Variants in NPFFR1 observed in about 807,000 individuals in gnomAD.
NPFFR1 encodes G-protein coupled receptor 147.
NPFFR1 carries 17 observed loss-of-function variants against 12.7 expected under a neutral mutation model. That is an observed-to-expected ratio of 1.34 (90% CI 0.92 to 2.01). NPFFR1 has a LOEUF of 2.01. Among genes scored for constraint, NPFFR1 ranks in the 30% most tolerant of loss-of-function variants. NPFFR1 has a pLI of 0.00. For missense variants in NPFFR1, 604 were observed against 606.5 expected (o/e 1.00, Z 0.04); for synonymous variants, 296 against 264.5 (o/e 1.12, Z -1.16).
At chr10:70,267,354 A>AT (rs1554833256) in intron 1 of NPFFR1, among the ~76,000 whole-genome samples, 1 of 152,072 alleles carries the variant, frequency 6.6e-6, no homozygotes, top group Non-Finnish European at 1.5e-5. Flanking sequence ...CACATCTATT[A>AT]TTTTATTTAG....
intron 2 of NPFFR1, among the ~76,000 whole-genome samples, chr10:70,262,478 G>A (rs1262528749): frequency 6.6e-6 from 1 of 152,126 alleles, no homozygotes; most frequent in African/African-American, 2.4e-5. Context: ...TGACAAAACT[G>A]AATAAACTGG....
intron 1 of NPFFR1, among the ~76,000 whole-genome samples, chr10:70,271,705 G>A (rs985511264): frequency 2.0e-5 from 3 of 152,074 alleles, no homozygotes; most frequent in African/African-American, 7.2e-5. Context: ...AGAACTAAGA[G>A]CACATCGTAC....
intron 2 of NPFFR1, among the ~76,000 whole-genome samples, chr10:70,264,734 G>A (rs1169620524): frequency 6.6e-6 from 1 of 152,188 alleles, no homozygotes; most frequent in Non-Finnish European, 1.5e-5. Context: ...GGCAACACTG[G>A]TTGCCTCCCA....
At chr10:70,264,455 C>T (rs1311196306) in intron 2 of NPFFR1, among the ~76,000 whole-genome samples, 1 of 148,692 alleles carries the variant, frequency 6.7e-6, no homozygotes, top group East Asian at 2.0e-4. Flanking sequence ...TTAGAAACAA[C>T]ATAAATACAA....
chr10:70,256,323 C>G (rs1384885571), intron 3 of NPFFR1, among the ~76,000 whole-genome samples: 1 of 152,220 alleles, frequency 6.6e-6, no homozygotes, highest in Non-Finnish European at 1.5e-5. Context: ...CTCAAGCTAT[C>G]CTCCGGCCTC....
chr10:70,265,553 T>C (rs1840681456), intron 2 of NPFFR1, among the ~76,000 whole-genome samples: 1 of 152,206 alleles, frequency 6.6e-6, no homozygotes, highest in Admixed American at 6.5e-5. Flanking sequence ...CCCTGCTCAA[T>C]TTCCAGCTCA....
intron 3 of NPFFR1, among the ~76,000 whole-genome samples, chr10:70,257,368 A>G (rs1019582919): frequency 3.9e-5 from 6 of 152,258 alleles, no homozygotes; most frequent in Non-Finnish European, 5.9e-5. Flanking sequence ...CCTGGAGCTC[A>G]CAAAAACATG....
intron 1 of NPFFR1, among the ~76,000 whole-genome samples, chr10:70,278,696 G>T (rs1840829677): frequency 1.3e-5 from 2 of 152,158 alleles, no homozygotes; most frequent in African/African-American, 4.8e-5. Context: ...AGAGATCTTG[G>T]CAGTGTCCTG....
intron 1 of NPFFR1, among the ~76,000 whole-genome samples, chr10:70,274,738 C>G (rs1840784412): frequency 6.6e-6 from 1 of 152,182 alleles, no homozygotes; most frequent in Non-Finnish European, 1.5e-5. Context: ...TTAATACATT[C>G]AGAGAGACAG....
In NPFFR1 at chr10:70,255,174, G is replaced by A; in HGVS notation, c.1076C>T (p.Ala359Val). The change falls in exon 4 of 4, where the codon GCC becomes GTC. Residue 359 changes from alanine to valine, a missense_variant. Transcript: ENST00000277942. This position sits in a 1 kb window ranked among gnomAD's most constrained non-coding sequence, Gnocchi z 4.2. ...CPRPSGSHKE[A>V]YSERPGGLLH... is the part of the protein sequence containing the mutation. ...AAGCCCGCCGGGCCGCTCGGAGTAGGCCTCCTTGTGGCTCCCCGACGGGCG... is the reference window on the plus strand; with the variant it reads ...AAGCCCGCCGGGCCGCTCGGAGTAGACCTCCTTGTGGCTCCCCGACGGGCG... 6.5e-7 allele frequency: 1 copy of A among 1,547,472 alleles called. No homozygotes were observed. Among genetic ancestry groups the A allele is most frequent in the Non-Finnish European group, 8.7e-7 (1 of 1,148,762 alleles).
At chr10:70,268,483 G>A (rs1026750352) in intron 1 of NPFFR1, among the ~76,000 whole-genome samples, 4 of 152,200 alleles carry the variant, frequency 2.6e-5, no homozygotes, top group African/African-American at 9.7e-5. Flanking sequence ...TAATGGTACA[G>A]CACTGTGGCT....
intron 3 of NPFFR1, among the ~76,000 whole-genome samples, chr10:70,257,933 T>G (rs368676175): frequency 3.3e-5 from 5 of 152,302 alleles, no homozygotes; most frequent in South Asian, 2.1e-4. Flanking sequence ...TGAACTTAAT[T>G]ATGACATAGA....
At chr10:70,264,635 A>G (rs1477538672) in intron 2 of NPFFR1, among the ~76,000 whole-genome samples, 1 of 152,114 alleles carries the variant, frequency 6.6e-6, no homozygotes, top group African/African-American at 2.4e-5. Context: ...TGGGAAGTAA[A>G]AGTACGGGAC....
At chr10:70,258,676 C>G (rs2136793243) in intron 3 of NPFFR1, among the ~76,000 whole-genome samples, 1 of 152,252 alleles carries the variant, frequency 6.6e-6, no homozygotes, top group East Asian at 1.9e-4. Flanking sequence ...CTCCTATTCC[C>G]CAGAATGGCT....
Position 70,255,885 on chromosome 10 carries a change from G to C in NPFFR1, c.423-58C>G. The stretch of plus-strand genomic sequence containing the variant: ...GTGGGTCCTAGGGCCCCTGCGAGGG[G>C]ACGGTGGGTGGGATGCGGGCACCTG... On this transcript the variant is annotated intron_variant, in intron 3 of 3. Coordinates refer to ENST00000277942, the MANE Select transcript of NPFFR1 (RefSeq NM_022146.5). The surrounding 1 kb of genome is among the most constrained non-coding windows in gnomAD (Gnocchi z 4.2). 6.6e-7 allele frequency: 1 copy of C among 1,519,064 alleles called. No individual in the cohort carries two copies. The highest frequency in any genetic ancestry group is 8.9e-7 in the Non-Finnish European group (1 of 1,127,144). 94.1% of individuals were successfully genotyped at this position (1,519,064 alleles called of 1,614,324 possible). A position where few individuals can be genotyped will look rare whatever the true frequency, so the allele number is the denominator to read the frequency against.
intron 1 of NPFFR1, among the ~76,000 whole-genome samples, chr10:70,268,618 TG>T (rs771362646): frequency 4.6e-5 from 7 of 152,188 alleles, no homozygotes; most frequent in Non-Finnish European, 1.0e-4. Flanking sequence ...TGATTAGTGC[TG>T]GCCATTGGCT....
At chr10:70,272,182 G>T (rs1013228233) in intron 1 of NPFFR1, among the ~76,000 whole-genome samples, 1 of 107,920 alleles carries the variant, frequency 9.3e-6, no homozygotes, top group Non-Finnish European at 2.0e-5. Context: ...AAAGAAGGGA[G>T]GGAGGGAGGA....
chr10:70,266,239 A>G lies in NPFFR1; in HGVS notation c.160T>C (p.Phe54Leu). 1 of 1,614,042 alleles carries G rather than the reference A, an allele frequency of 6.2e-7. No homozygotes were observed. The highest frequency in any genetic ancestry group is 1.3e-5 in the African/African-American group (1 of 75,066). ...AMFIVAYALI[F>L]LLCMVGNTLV... is the part of the protein sequence containing the mutation. ...GTGTTGCCCACCATGCAGAGCAGGA[A>G]GATGAGCGCATAGGCCACAATGAAC... The change falls in exon 2 of 4, where the codon TTC becomes CTC. Residue 54 changes from phenylalanine to leucine, a missense_variant. Transcript: ENST00000277942.
chr10:70,259,084 C>T (rs762100530), intron 3 of NPFFR1, among the ~76,000 whole-genome samples: 6 of 151,978 alleles, frequency 3.9e-5, no homozygotes, highest in African/African-American at 7.3e-5. Context: ...GACAGGAGTT[C>T]GAGACCAGCC....
Sources: allele counts gnomAD v4.1 joint callset (sites outside exome capture counted in the v4.1 genomes callset), GRCh38; gene constraint gnomAD v4.1.1; non-coding constraint Gnocchi (gnomAD v3.1); transcripts MANE v1.5; gene names NCBI Gene and HGNC (gene_info 2026-07-23, HGNC 2026-07-21).